Variants in AGBL4 observed in about 807,000 individuals in gnomAD.
AGBL4 encodes AGBL carboxypeptidase 4.
A neutral mutation model predicts 66.4 loss-of-function variants in AGBL4; 58 were observed. The ratio of observed to expected loss-of-function variants is 0.87; its 90% CI spans 0.71 to 1.09. The LOEUF (loss-of-function observed/expected upper bound fraction) is 1.09. Among genes scored for constraint, AGBL4 ranks in the 50% least tolerant of loss-of-function variants. The probability of loss-of-function intolerance (pLI) is 0.00; values close to 1 mark genes in which losing one functional copy is unlikely to be tolerated. For synonymous variants in AGBL4, 234 were observed against 222.9 expected, an observed-to-expected ratio of 1.05 and a Z score of -0.44; for missense variants, 579 against 631.0, an observed-to-expected ratio of 0.92 and a Z score of 0.88.
At chr1:48,717,062 C>T (rs947908217) in intron 6 of AGBL4, among the ~76,000 whole-genome samples, 12 of 152,256 alleles carry the variant, frequency 7.9e-5, no homozygotes, top group African/African-American at 2.7e-4. Context: ...ATTTCAGCTA[C>T]ACAGAAGAGC....
intron 3 of AGBL4, among the ~76,000 whole-genome samples, chr1:49,534,146 T>A (rs535414474): frequency 4.3e-5 from 5 of 115,242 alleles, no homozygotes; most frequent in African/African-American, 1.4e-4. Context: ...AAAAGCCCCA[T>A]GAAGCAGGGA....
chr1:48,886,747 T>C (rs1461721531), intron 5 of AGBL4, among the ~76,000 whole-genome samples: 1 of 152,026 alleles, frequency 6.6e-6, no homozygotes, highest in Non-Finnish European at 1.5e-5. Context: ...AGAGAGGAGT[T>C]TCACCATGTT....
intron 3 of AGBL4, among the ~76,000 whole-genome samples, chr1:49,592,001 A>C (rs1399555536): frequency 1.3e-5 from 2 of 152,136 alleles, no homozygotes; most frequent in Non-Finnish European, 2.9e-5. Flanking sequence ...GAAAACCTAA[A>C]AAATACCATT....
At chr1:49,619,675 T>TA (rs903395318) in intron 3 of AGBL4, among the ~76,000 whole-genome samples, 9 of 151,446 alleles carry the variant, frequency 5.9e-5, no homozygotes, top group Admixed American at 2.6e-4. Flanking sequence ...AATCCTAAGC[T>TA]AAAAAAAACA....
intron 3 of AGBL4, among the ~76,000 whole-genome samples, chr1:49,287,078 T>C (rs1422533054): frequency 6.8e-6 from 1 of 146,462 alleles, no homozygotes; most frequent in African/African-American, 2.5e-5. Context: ...AACTATCTGA[T>C]CTTTGACAAA....
chr1:48,857,469 T>C (rs113633701), intron 6 of AGBL4, among the ~76,000 whole-genome samples: 5,600 of 152,234 alleles, frequency 0.037, 341 homozygotes, highest in African/African-American at 0.13. Context: ...GTGCCTGTAA[T>C]CCCAGCATTT....
At chr1:49,631,569 C>T (rs931214969) in intron 3 of AGBL4, among the ~76,000 whole-genome samples, 1 of 152,078 alleles carries the variant, frequency 6.6e-6, no homozygotes, top group Non-Finnish European at 1.5e-5. Context: ...TTTGTGTGGC[C>T]ACCTTGTGCC....
chr1:48,687,470 G>C (rs1557879229), intron 6 of AGBL4, among the ~76,000 whole-genome samples: 1 of 152,194 alleles, frequency 6.6e-6, no homozygotes, highest in African/African-American at 2.4e-5. Context: ...GGGAGGCCCT[G>C]TGCTCACACT....
chr1:48,641,149 C>G (rs1645748529), intron 8 of AGBL4, among the ~76,000 whole-genome samples: 1 of 152,136 alleles, frequency 6.6e-6, no homozygotes, highest in East Asian at 1.9e-4. Flanking sequence ...ATATTTGCAC[C>G]AAAAGCAAAA....
At chr1:49,890,956 G>A (rs548781237) in intron 1 of AGBL4, among the ~76,000 whole-genome samples, 17 of 152,262 alleles carry the variant, frequency 1.1e-4, no homozygotes, top group Non-Finnish European at 2.2e-4. Flanking sequence ...AAATATAAAT[G>A]ACAGGTAGTA....
intron 5 of AGBL4, among the ~76,000 whole-genome samples, chr1:48,879,672 T>G (rs867268202): frequency 6.6e-6 from 1 of 152,162 alleles, no homozygotes; most frequent in Admixed American, 6.6e-5. Context: ...AATGCTTTAT[T>G]TATGTTAACT....
intron 6 of AGBL4, among the ~76,000 whole-genome samples, chr1:48,713,882 C>T (rs1647005782): frequency 6.6e-6 from 1 of 152,172 alleles, no homozygotes; most frequent in Admixed American, 6.5e-5. Flanking sequence ...ACAACTGGAT[C>T]TGCAACATAA....
At position 49,909,263 on chromosome 1, in the gene AGBL4, T is replaced by TAC. The variant is rs35278842; in HGVS notation, c.35-57747_35-57746dup. Among the ~76,000 whole-genome samples, 704 of 152,108 alleles carry TAC rather than the reference T, an allele frequency of 4.6e-3. 6 individuals carry two copies. Among genetic ancestry groups the TAC allele is most frequent in the African/African-American group, 0.015 (625 of 41,498 alleles). On this transcript the variant is annotated intron_variant, in intron 1 of 13. Coordinates refer to ENST00000371839, the MANE Select transcript of AGBL4 (RefSeq NM_032785.4). ...AGAGCTTGTTAAATATATACATTCA[T>TAC]ACACACACACACATATACATACCCA...
chr1:49,463,297 T>C (rs937345156), intron 3 of AGBL4, among the ~76,000 whole-genome samples: 1 of 151,708 alleles, frequency 6.6e-6, no homozygotes, highest in Non-Finnish European at 1.5e-5. Flanking sequence ...ATATATACCC[T>C]GGTTTTCCAG....
intron 1 of AGBL4, among the ~76,000 whole-genome samples, chr1:49,893,768 C>G (rs1340933003): frequency 2.0e-5 from 3 of 152,200 alleles, no homozygotes; most frequent in Non-Finnish European, 4.4e-5. Flanking sequence ...GACTGCATCT[C>G]AGGACCCACC....
rs1307121704 is a variant in AGBL4 at position 48,847,186 on chromosome 1, G to C, written c.634+20005C>G. Among the ~76,000 whole-genome samples, 5 of 152,242 alleles carry C rather than the reference G, an allele frequency of 3.3e-5. No individual in the cohort carries two copies. The East Asian group carries it at 9.7e-4, about 29-fold the overall frequency. On this transcript the variant is annotated intron_variant, in intron 6 of 13. Coordinates refer to ENST00000371839, the MANE Select transcript of AGBL4 (RefSeq NM_032785.4). ...ATGGTGGCGCATGCCTGTAATCCCA[G>C]CTACTCGGGAGGCTGAGGCAGGAGA...
At chr1:49,506,814 C>G (rs574750508) in intron 3 of AGBL4, among the ~76,000 whole-genome samples, 2 of 151,998 alleles carry the variant, frequency 1.3e-5, no homozygotes, top group South Asian at 2.1e-4. Context: ...GTTGCAAAGC[C>G]CATCTATAAA....
chr1:49,550,504 G>T lies in AGBL4; in HGVS notation c.282+146809C>A, dbSNP rs567635767. 2.6e-5 allele frequency among the ~76,000 whole-genome samples: 4 copies of T among 152,210 alleles called. No homozygotes were observed. In the East Asian group the frequency reaches 7.7e-4, roughly 29 times the overall value. ...CTTGTAGTGGTGGCTTGATAGTGGC[G>T]AATTCTCTCAGTATTTGTTTGTCTG... On this transcript the variant is annotated intron_variant, in intron 3 of 13. Coordinates refer to ENST00000371839, the MANE Select transcript of AGBL4 (RefSeq NM_032785.4).
At chr1:49,393,504 A>G (rs1644892338) in intron 3 of AGBL4, among the ~76,000 whole-genome samples, 2 of 152,208 alleles carry the variant, frequency 1.3e-5, no homozygotes, top group South Asian at 4.1e-4. Flanking sequence ...GAAGCAAAAG[A>G]CAAGGTCTTG....
Sources: allele counts gnomAD v4.1 joint callset (sites outside exome capture counted in the v4.1 genomes callset), GRCh38; gene constraint gnomAD v4.1.1; transcripts MANE v1.5; gene names NCBI Gene and HGNC (gene_info 2026-07-23, HGNC 2026-07-21).